Variants in ERBIN observed in about 807,000 individuals in gnomAD.
ERBIN encodes the protein densin-180-like protein.
A neutral mutation model predicts 158.4 loss-of-function variants in ERBIN; 60 were observed. The ratio of observed to expected loss-of-function variants is 0.38; its 90% CI spans 0.31 to 0.47. The LOEUF (loss-of-function observed/expected upper bound fraction) is 0.47. Among genes scored for constraint, ERBIN ranks in the 20% least tolerant of loss-of-function variants. ERBIN has a pLI of 0.99. For synonymous variants in ERBIN, 594 were observed against 557.2 expected (o/e 1.07, Z -0.93); for missense variants, 1,610 against 1,648.0 (o/e 0.98, Z 0.40).
At chr5:66,032,143 A>G (rs1015588313) in intron 14 of ERBIN, among the ~76,000 whole-genome samples, 5 of 152,218 alleles carry the variant, frequency 3.3e-5, no homozygotes, top group Non-Finnish European at 5.9e-5. Flanking sequence ...AGAGTGTAAC[A>G]GTGAGACGGA....
At chr5:65,976,024 A>G (rs1267640208) in intron 1 of ERBIN, among the ~76,000 whole-genome samples, 1 of 152,216 alleles carries the variant, frequency 6.6e-6, no homozygotes, top group Non-Finnish European at 1.5e-5. Flanking sequence ...CATGGAGGAA[A>G]AGAAGTTGTT....
intron 1 of ERBIN, among the ~76,000 whole-genome samples, chr5:65,944,670 G>C (rs1205191330): frequency 6.6e-6 from 1 of 152,082 alleles, no homozygotes; most frequent in Non-Finnish European, 1.5e-5. Context: ...CAGAGTGTTG[G>C]GATTACAGGT....
intron 1 of ERBIN, among the ~76,000 whole-genome samples, chr5:65,965,698 C>T (rs907059381): frequency 6.6e-6 from 1 of 152,004 alleles, no homozygotes; most frequent in African/African-American, 2.4e-5. Flanking sequence ...TGGCCCCATT[C>T]TTATCAGATT....
At chr5:66,004,387 TGTGC>T (rs1753345987) in intron 4 of ERBIN, among the ~76,000 whole-genome samples, 2 of 151,982 alleles carry the variant, frequency 1.3e-5, no homozygotes, top group African/African-American at 4.8e-5. Context: ...TGCGTGTGTG[TGTGC>T]GCGCGCGTGC....
intron 17 of ERBIN, 88 bp from the exon 18 acceptor site, chr5:66,046,265 G>T: frequency 1.3e-6 from 1 of 742,724 alleles, no homozygotes; most frequent in Non-Finnish European, 2.0e-6. Flanking sequence ...ATTGGAAGTT[G>T]GCAAATTGCT....
At chr5:65,955,362 G>A (rs181522325) in intron 1 of ERBIN, among the ~76,000 whole-genome samples, 4 of 152,120 alleles carry the variant, frequency 2.6e-5, no homozygotes, top group Admixed American at 2.6e-4. Flanking sequence ...GGGGATGGTG[G>A]CTCATGCCTG....
intron 25 of ERBIN, among the ~76,000 whole-genome samples, 170 bp from the exon 26 acceptor site, chr5:66,078,253 C>T (rs970375705): frequency 1.3e-5 from 2 of 152,174 alleles, no homozygotes; most frequent in Admixed American, 6.5e-5. Flanking sequence ...CATTTTTAGA[C>T]CCCATCTTCA....
intron 1 of ERBIN, among the ~76,000 whole-genome samples, chr5:65,941,406 T>C (rs1210767947): frequency 4.6e-5 from 7 of 151,958 alleles, no homozygotes; most frequent in Admixed American, 3.3e-4. Flanking sequence ...ATAAGTAATT[T>C]AGAGATGATT....
Position 66,025,509 on chromosome 5 carries a change from A to G in ERBIN, c.847A>G (p.Ile283Val), listed in dbSNP as rs1289233655. Residue 283 changes from isoleucine (I) to valine (V), a missense_variant, in exon 11 of 26, where the codon ATA (isoleucine) becomes GTA (valine). Physicochemically the swap from Ile to Val is conservative, Grantham distance 29. Transcript: ENST00000284037. The stretch of plus-strand genomic sequence containing the variant: ...GTTGAAGAATATAACAACGCTTAAA[A>G]TAGATGAAAACCAGTTAATGTATCT... ...GSLKNITTLK[I>V]DENQLMYLPD... 2 of 1,612,574 alleles carry G rather than the reference A, an allele frequency of 1.2e-6. No individual in the cohort carries two copies.
chr5:66,055,436 T>C (rs1759492175), intron 21 of ERBIN, among the ~76,000 whole-genome samples: 1 of 152,218 alleles, frequency 6.6e-6, no homozygotes, highest in Non-Finnish European at 1.5e-5. Context: ...GCATGGCATT[T>C]ATTCTTAACT....
Position 65,945,220 on chromosome 5 carries a change from A to T in ERBIN, c.-58+18414A>T, listed in dbSNP as rs6896152. 9.1e-3 allele frequency among the ~76,000 whole-genome samples: 1,391 copies of T among 152,358 alleles called. 19 individuals are homozygous for T. Among genetic ancestry groups the T allele is most frequent in the Middle Eastern group, 0.065 (19 of 294 alleles). On this transcript the variant is annotated intron_variant, in intron 1 of 25. Coordinates refer to ENST00000284037, the MANE Select transcript of ERBIN (RefSeq NM_001253697.2). Reference sequence around the variant, plus strand: ...ATTGAACCAAGTCTTGTATTTTTCTATACAGGATAAATTCCTTGTTTCAGC... The same window carrying T: ...ATTGAACCAAGTCTTGTATTTTTCTTTACAGGATAAATTCCTTGTTTCAGC...
intron 14 of ERBIN, among the ~76,000 whole-genome samples, chr5:66,035,258 T>C (rs1046423848): frequency 6.6e-5 from 10 of 152,196 alleles, no homozygotes; most frequent in African/African-American, 2.4e-4. Flanking sequence ...CACATTCATA[T>C]AGCTCAATTC....
intron 4 of ERBIN, among the ~76,000 whole-genome samples, chr5:66,011,814 A>G (rs574428711): frequency 1.4e-4 from 21 of 152,344 alleles, no homozygotes; most frequent in Admixed American, 4.6e-4. Flanking sequence ...TCAGAAGGAA[A>G]GAAAGGTAAA....
At chr5:66,027,313 G>A (rs1409210583) in intron 13 of ERBIN, among the ~76,000 whole-genome samples, 1 of 136,192 alleles carries the variant, frequency 7.3e-6, no homozygotes, top group African/African-American at 3.8e-5. Context: ...CTTAAGTCAC[G>A]TTTCAGCCTT....
chr5:66,078,386 TA>T, intron 25 of ERBIN, 36 bp from the exon 26 acceptor site: 1 of 1,266,692 alleles, frequency 7.9e-7, no homozygotes, highest in Non-Finnish European at 1.1e-6. Flanking sequence ...TAAATAACTA[TA>T]AAATGTTTTT....
chr5:66,046,374 G>A lies in ERBIN; in HGVS notation c.1624G>A (p.Val542Ile), dbSNP rs765458384. Reference sequence around the variant, plus strand: ...TTAGACCTCAGAAAGTACTACTACAGTAAAAAGCAAAGTTGATGAAAGAGA... The same window carrying A: ...TTAGACCTCAGAAAGTACTACTACAATAAAAAGCAAAGTTGATGAAAGAGA... ...GVKTSESTTTVKSKVDEREKY... is the reference protein window; with the variant it reads ...GVKTSESTTTIKSKVDEREKY... Residue 542 changes from valine to isoleucine, a missense_variant, in exon 18 of 26, where the codon GTA becomes ATA. By Grantham distance (29) the Val-to-Ile change is conservative. This residue lies in a region of ERBIN where 596 missense variants were observed against 711.9 expected (regional missense o/e 0.84). Transcript: ENST00000284037. The A allele has an allele frequency of 1.4e-5, 22 of 1,590,192 alleles. No homozygotes were observed. The Middle Eastern group carries it at 1.5e-3, about 109-fold the overall frequency.
In ERBIN at chr5:66,053,764, T is replaced by G. The variant is rs758231755; in HGVS notation, c.2446T>G (p.Leu816Val). The G allele has an allele frequency of 2.5e-6, 4 of 1,613,808 alleles. No individual in the cohort carries two copies. The South Asian group carries it at 4.4e-5, about 18-fold the overall frequency. ...HLENGNKYPN[L>V]ESVNKVNGHS... Reference sequence around the variant, plus strand: ...GGAAAATGGAAACAAGTATCCTAATTTGGAATCCGTAAATAAGGTAAATGG... The same window carrying G: ...GGAAAATGGAAACAAGTATCCTAATGTGGAATCCGTAAATAAGGTAAATGG... The change falls in exon 21 of 26, where the codon TTG (leucine) becomes GTG (valine). Residue 816 changes from leucine (L) to valine (V), a missense_variant. Physicochemically the swap from Leu to Val is conservative, Grantham distance 32 (BLOSUM62 1). Transcript: ENST00000284037.
chr5:65,988,470 A>G (rs554212859), intron 1 of ERBIN, among the ~76,000 whole-genome samples, 165 bp from the exon 2 acceptor site: 1 of 151,892 alleles, frequency 6.6e-6, no homozygotes, highest in East Asian at 1.9e-4. Flanking sequence ...AGAGGCTAAT[A>G]TTTTGGTTTG....
In ERBIN at chr5:66,046,343, T is replaced by C; in HGVS notation, c.1603-10T>C. Reference sequence around the variant, plus strand: ...AAGAATATGAGCTCTTTATCTTTTCTTTTACTTAGACCTCAGAAAGTACTA... The same window carrying C: ...AAGAATATGAGCTCTTTATCTTTTCCTTTACTTAGACCTCAGAAAGTACTA... On this transcript the variant is annotated splice_polypyrimidine_tract_variant and intron_variant, in intron 17 of 25. Coordinates refer to ENST00000284037, the MANE Select transcript of ERBIN (RefSeq NM_001253697.2). The C allele has an allele frequency of 6.9e-7, 1 of 1,440,304 alleles. No homozygotes were observed. The highest frequency in any genetic ancestry group is 2.3e-5 in the East Asian group (1 of 43,328). The allele number at this position is 1,440,304 out of a possible 1,614,324, so 89.2% of individuals were successfully genotyped here.
Sources: allele counts gnomAD v4.1 joint callset (sites outside exome capture counted in the v4.1 genomes callset), GRCh38; gene constraint gnomAD v4.1.1; regional missense constraint gnomAD v4.1.1; transcripts MANE v1.5; gene names NCBI Gene and HGNC (gene_info 2026-07-23, HGNC 2026-07-21).